Variants in RILPL1 observed in about 807,000 individuals in gnomAD.
RILPL1 encodes the protein Rab interacting lysosomal protein like 1.
RILPL1 carries 33 observed loss-of-function variants against 50.3 expected under a neutral mutation model. The observed-to-expected ratio is 0.66, with a 90% CI of 0.50 to 0.88. RILPL1 has a LOEUF of 0.88. Ranked by LOEUF, RILPL1 falls within the 40% of genes least tolerant of loss-of-function variation. The pLI is 0.00. For synonymous variants in RILPL1, 205 were observed against 228.6 expected (o/e 0.90, Z 0.93); for missense variants, 418 against 542.5 (o/e 0.77, Z 2.28).
intron 1 of RILPL1, among the ~76,000 whole-genome samples, chr12:123,530,662 T>C (rs1385798453): frequency 6.6e-6 from 1 of 152,242 alleles, no homozygotes; most frequent in Non-Finnish European, 1.5e-5. Flanking sequence ...ATGAATAGCA[T>C]AGTCTGGTAT....
chr12:123,490,367 C>T (rs973907542), intron 4 of RILPL1, among the ~76,000 whole-genome samples: 3 of 152,190 alleles, frequency 2.0e-5, no homozygotes, highest in African/African-American at 7.2e-5. Context: ...AAGGGCCCTT[C>T]CCACCCAGGT....
intron 2 of RILPL1, among the ~76,000 whole-genome samples, chr12:123,505,745 C>G (rs1883708874): frequency 6.6e-6 from 1 of 152,176 alleles, no homozygotes; most frequent in Non-Finnish European, 1.5e-5. Context: ...ACCTCAGCCT[C>G]TGAGTAGCTG....
At chr12:123,472,742 T>G in intron 6 of RILPL1, 60 bp from the exon 7 acceptor site, 1 of 1,551,698 alleles carries the variant, frequency 6.4e-7, no homozygotes, top group Non-Finnish European at 8.7e-7. Context: ...CAAGTCACGT[T>G]TTTTGCAATG....
intron 2 of RILPL1, among the ~76,000 whole-genome samples, chr12:123,515,079 C>T (rs1479421087): frequency 1.3e-5 from 2 of 151,802 alleles, no homozygotes; most frequent in Non-Finnish European, 2.9e-5. Context: ...TACAGGTGTG[C>T]ACCACCATGC....
chr12:123,474,686 A>G (rs984017821), intron 6 of RILPL1: 1 of 152,240 alleles, frequency 6.6e-6, no homozygotes, highest in Non-Finnish European at 1.5e-5. Context: ...GGCGTTAGCC[A>G]CTATGTGAAT....
Position 123,472,664 on chromosome 12 carries a change from T to C in RILPL1, c.1086A>G (p.Arg362=), listed in dbSNP as rs766856634. 4.4e-6 allele frequency: 7 copies of C among 1,598,856 alleles called. No homozygotes were observed. In the South Asian group the frequency reaches 7.9e-5, roughly 18 times the overall value. ...GTGTGTTGGCCAGGCGCTTCTTATC[T>C]CGGGAGAAGAAGCTAAACCTTTGGA... ...GIKRLFSFFS[R]DKKRLANTQR... The change falls in exon 7 of 7, where the codon CGA becomes CGG. Residue 362 remains arginine (R), a synonymous_variant. Coordinates refer to ENST00000376874, the MANE Select transcript of RILPL1 (RefSeq NM_178314.5).
chr12:123,524,362 T>C (rs994308600), intron 1 of RILPL1, among the ~76,000 whole-genome samples: 2 of 152,328 alleles, frequency 1.3e-5, no homozygotes, highest in Admixed American at 6.5e-5. Context: ...GCGGACATTT[T>C]GGAAAACACT....
chr12:123,529,074 T>C (rs1386216424), intron 1 of RILPL1, among the ~76,000 whole-genome samples: 1 of 152,180 alleles, frequency 6.6e-6, no homozygotes, highest in Non-Finnish European at 1.5e-5. Context: ...ACATGCCAAG[T>C]GCATTCCTAC....
At chr12:123,490,572 T>C (rs1882625443) in intron 4 of RILPL1, among the ~76,000 whole-genome samples, 1 of 152,088 alleles carries the variant, frequency 6.6e-6, no homozygotes, top group Non-Finnish European at 1.5e-5. Flanking sequence ...CAGCAAGGTA[T>C]GCAAAAGTCC....
chr12:123,533,333 G>T lies in RILPL1; in HGVS notation c.150C>A (p.Ile50=). The T allele has an allele frequency of 1.3e-6, 2 of 1,582,698 alleles. No homozygotes were observed. Residue 50 remains isoleucine, a synonymous_variant, in exon 1 of 7, where the codon ATC becomes ATA. Transcript: ENST00000376874. This position sits in a 1 kb window ranked among gnomAD's most constrained non-coding sequence, Gnocchi z 6.2. ...RVIDQHGCEA[I]ARLMPKVVRV... is the part of the protein sequence containing the mutation. ...GCACGACCTTGGGCATGAGGCGCGC[G>T]ATGGCCTCGCAGCCGTGCTGGTCAA...
At position 123,472,572 on chromosome 12, in the gene RILPL1, G is replaced by A; in HGVS notation, c.1178C>T (p.Thr393Ile). 1 of 1,554,200 alleles carries A rather than the reference G, an allele frequency of 6.4e-7. No homozygotes were observed. Among genetic ancestry groups the A allele is most frequent in the Non-Finnish European group, 8.7e-7 (1 of 1,148,276 alleles). Reference protein sequence around the residue: ...WANTHRDDGYTEQGQEALQHL With the variant: ...WANTHRDDGYIEQGQEALQHL ...CTGCAGGGCTTCCTGTCCTTGCTCT[G>A]TGTAACCGTCATCGCGGTGGGTGTT... The change falls in exon 7 of 7, where the codon ACA (threonine) becomes ATA (isoleucine). Residue 393 changes from threonine (T) to isoleucine (I), a missense_variant. Physicochemically the swap from Thr to Ile is moderately conservative, Grantham distance 89 (BLOSUM62 -1). Coordinates refer to ENST00000376874, the MANE Select transcript of RILPL1 (RefSeq NM_178314.5).
chr12:123,511,725 T>TTG (rs1314789519), intron 2 of RILPL1, among the ~76,000 whole-genome samples: 1 of 70,860 alleles, frequency 1.4e-5, no homozygotes, highest in Non-Finnish European at 2.7e-5. Flanking sequence ...TGTGTGAGGT[T>TTG]TGTGTGTGTG....
intron 2 of RILPL1, among the ~76,000 whole-genome samples, chr12:123,520,418 A>G (rs898810635): frequency 9.9e-5 from 15 of 152,106 alleles, no homozygotes; most frequent in African/African-American, 3.6e-4. Flanking sequence ...TATTAGATGG[A>G]CGTGGTGGCA....
Position 123,523,483 on chromosome 12 carries a change from A to G in RILPL1, c.460+12T>C, listed in dbSNP as rs751818200. ...GGCCGGCCCCCTTGCATTGGCGCCG[A>G]CCCCCACTTACCTTCATGCTTCTGG... On this transcript the variant is annotated intron_variant, in intron 2 of 6. Coordinates refer to ENST00000376874, the MANE Select transcript of RILPL1 (RefSeq NM_178314.5). 9 of 1,613,708 alleles carry G rather than the reference A, an allele frequency of 5.6e-6. No homozygotes were observed. Among genetic ancestry groups the G allele is most frequent in the Non-Finnish European group, 7.6e-6 (9 of 1,179,822 alleles).
At chr12:123,492,369 T>C (rs1359502183) in intron 4 of RILPL1, among the ~76,000 whole-genome samples, 1 of 152,270 alleles carries the variant, frequency 6.6e-6, no homozygotes, top group South Asian at 2.1e-4. Flanking sequence ...ACTGATGCCA[T>C]GTCCCGAACA....
At chr12:123,504,154 A>G (rs1323697048) in intron 2 of RILPL1, among the ~76,000 whole-genome samples, 2 of 152,104 alleles carry the variant, frequency 1.3e-5, no homozygotes, top group Non-Finnish European at 2.9e-5. Flanking sequence ...GCCAGTGCAC[A>G]CCTGCTCCGT....
At chr12:123,531,289 C>T (rs1885437768) in intron 1 of RILPL1, among the ~76,000 whole-genome samples, 1 of 152,112 alleles carries the variant, frequency 6.6e-6, no homozygotes, top group Non-Finnish European at 1.5e-5. Context: ...TGAACACTTT[C>T]CAGAGGCAAC....
In RILPL1 at chr12:123,498,620, C is replaced by T. The variant is rs1300071487; in HGVS notation, c.725G>A (p.Ser242Asn). 6.2e-7 allele frequency: 1 copy of T among 1,613,782 alleles called. No homozygotes were observed. The highest frequency in any genetic ancestry group is 8.5e-7 in the Non-Finnish European group (1 of 1,179,898). Residue 242 changes from serine (S) to asparagine (N), a missense_variant, in exon 4 of 7, where the codon AGC (serine) becomes AAC (asparagine). Physicochemically the swap from Ser to Asn is conservative, Grantham distance 46 (BLOSUM62 1). Coordinates refer to ENST00000376874, the MANE Select transcript of RILPL1 (RefSeq NM_178314.5). The surrounding 1 kb of genome is among the most constrained non-coding windows in gnomAD (Gnocchi z 4.3). The stretch of plus-strand genomic sequence containing the variant: ...CAACTTCCCCAGCTCTGCTCGCAGG[C>T]TGCCCATCTCCTGCTCCTTGGTCTG... ...DLQTKEQEMGSLRAELGKLRE... is the reference protein window; with the variant it reads ...DLQTKEQEMGNLRAELGKLRE...
intron 6 of RILPL1, among the ~76,000 whole-genome samples, chr12:123,477,382 A>G (rs1593530450): frequency 8.0e-6 from 1 of 125,550 alleles, no homozygotes; most frequent in Admixed American, 9.6e-5. Context: ...TTTGCCACCC[A>G]GGCTGCAGTG....
Sources: gnomAD v4.1 joint callset for allele counts (sites outside exome capture counted in the v4.1 genomes callset) on GRCh38, gnomAD v4.1.1 for gene constraint, Gnocchi (gnomAD v3.1) non-coding constraint, MANE v1.5 for transcripts, NCBI Gene and HGNC (gene_info 2026-07-23, HGNC 2026-07-21) for gene names.